The following CSMD1 variants were observed in gnomAD, a reference collection of about 807,000 sequenced individuals.
CSMD1 encodes CUB and Sushi multiple domains 1, also known as CUB and sushi domain-containing protein 1.
A neutral mutation model predicts 417.5 loss-of-function variants in CSMD1; 213 were observed. The observed-to-expected ratio is 0.51, with a 90% CI of 0.46 to 0.57. The LOEUF is 0.57. Among genes scored for constraint, CSMD1 ranks in the 20% least tolerant of loss-of-function variants. CSMD1 has a pLI of 0.00. For missense variants in CSMD1, 6,923 were observed against 4,529.7 expected (o/e 1.53, Z -15.17); for synonymous variants, 2,862 against 1,736.8 (o/e 1.65, Z -16.11).
At chr8:3,146,030 T>C (rs1818822375) in intron 40 of CSMD1, among the ~76,000 whole-genome samples, 1 of 152,220 alleles carries the variant, frequency 6.6e-6, no homozygotes, top group Admixed American at 6.5e-5. Flanking sequence ...TTGCACCTTC[T>C]GTGTGTAATA....
chr8:4,361,489 T>C (rs1371317533), intron 3 of CSMD1, among the ~76,000 whole-genome samples: 1 of 152,118 alleles, frequency 6.6e-6, no homozygotes, highest in Non-Finnish European at 1.5e-5. Flanking sequence ...CATTTCCACT[T>C]TACAGATTAG....
At chr8:3,721,740 C>T (rs1229648430) in intron 6 of CSMD1, among the ~76,000 whole-genome samples, 2 of 152,052 alleles carry the variant, frequency 1.3e-5, no homozygotes, top group Admixed American at 6.6e-5. Flanking sequence ...AATAAAGGAA[C>T]AGAATTCTAA....
intron 3 of CSMD1, among the ~76,000 whole-genome samples, chr8:4,348,871 T>C (rs1800928032): frequency 6.6e-6 from 1 of 152,224 alleles, no homozygotes; most frequent in African/African-American, 2.4e-5. Flanking sequence ...TTCATCTACA[T>C]GTCTGTTGCT....
chr8:4,326,508 T>A (rs1799571196), intron 3 of CSMD1, among the ~76,000 whole-genome samples: 1 of 152,124 alleles, frequency 6.6e-6, no homozygotes, highest in Admixed American at 6.6e-5. Context: ...AAAAGGTCCA[T>A]AAACGAGAGG....
chr8:4,514,031 G>A lies in CSMD1; in HGVS notation c.303-93966C>T, dbSNP rs1001343493. On this transcript the variant is annotated intron_variant, in intron 2 of 69. Coordinates refer to ENST00000635120, the MANE Select transcript of CSMD1 (RefSeq NM_033225.6). ...GTTAGTCAGCTCAGACTGCCATAAT[G>A]AAATACCACAAACTAGGTAGCTTAA... is the stretch of plus-strand genomic sequence containing the variant. Among the ~76,000 whole-genome samples the A allele has an allele frequency of 3.9e-5, 6 of 152,090 alleles. 1 individual carries two copies. Among genetic ancestry groups the A allele is most frequent in the African/African-American group, 1.4e-4 (6 of 41,406 alleles).
intron 5 of CSMD1, among the ~76,000 whole-genome samples, chr8:3,782,018 A>G (rs1799211990): frequency 7.4e-6 from 1 of 134,706 alleles, no homozygotes; most frequent in Non-Finnish European, 1.8e-5. Flanking sequence ...TTTAAGGGAT[A>G]ATTTAAGAGT....
chr8:3,503,974 T>C (rs997610760), intron 10 of CSMD1, among the ~76,000 whole-genome samples: 2 of 152,004 alleles, frequency 1.3e-5, no homozygotes, highest in African/African-American at 4.8e-5. Flanking sequence ...AGTGGTTGAT[T>C]TTGGGGTATG....
At chr8:3,949,173 A>T (rs901362084) in intron 5 of CSMD1, among the ~76,000 whole-genome samples, 2 of 152,252 alleles carry the variant, frequency 1.3e-5, no homozygotes, top group Non-Finnish European at 2.9e-5. Flanking sequence ...TAACATATGC[A>T]TTGCTTTACA....
chr8:4,031,977 G>T lies in CSMD1; in HGVS notation c.538C>A (p.His180Asn), dbSNP rs749221297. The stretch of plus-strand genomic sequence containing the variant: ...CTGACGATGCAGGTCAGGATGGCGT[G>T]GCCTTCCAAGATGTAGCCAGGGAGG... Reference protein sequence around the residue: ...SCLPGYILEGHAILTCIVSPG... With the variant: ...SCLPGYILEGNAILTCIVSPG... The change falls in exon 4 of 70, where the codon CAC becomes AAC. Residue 180 changes from histidine (H) to asparagine (N), a missense_variant. Coordinates refer to ENST00000635120, the MANE Select transcript of CSMD1 (RefSeq NM_033225.6). 1 of 1,613,882 alleles carries T rather than the reference G, an allele frequency of 6.2e-7. No homozygotes were observed. The highest frequency in any genetic ancestry group is 1.1e-5 in the South Asian group (1 of 91,082).
chr8:4,278,039 G>A (rs1009554120), intron 3 of CSMD1, among the ~76,000 whole-genome samples: 10 of 152,056 alleles, frequency 6.6e-5, no homozygotes, highest in Non-Finnish European at 1.3e-4. Context: ...GAGCCACGGC[G>A]CCCAACCCCC....
chr8:2,987,636 TTTA>T (rs1176869094), intron 54 of CSMD1, among the ~76,000 whole-genome samples: 1 of 152,328 alleles, frequency 6.6e-6, no homozygotes, highest in East Asian at 1.9e-4. Context: ...ACACATGACT[TTTA>T]AGTTAACATA....
At chr8:3,108,945 G>T (rs1816327617) in intron 43 of CSMD1, among the ~76,000 whole-genome samples, 197 bp from the exon 44 acceptor site, 1 of 152,220 alleles carries the variant, frequency 6.6e-6, no homozygotes, top group African/African-American at 2.4e-5. Context: ...TTTCATTAAT[G>T]TTCCACAGGC....
At chr8:3,175,492 C>CCTG (rs1820867625) in intron 37 of CSMD1, among the ~76,000 whole-genome samples, 1 of 104,388 alleles carries the variant, frequency 9.6e-6, no homozygotes, top group Non-Finnish European at 1.9e-5. Flanking sequence ...TTCCTGCCTG[C>CCTG]CTGCCTGCCT....
chr8:4,534,005 T>C (rs1585214999), intron 2 of CSMD1, among the ~76,000 whole-genome samples: 1 of 151,500 alleles, frequency 6.6e-6, no homozygotes, highest in South Asian at 2.1e-4. Context: ...TCTATAGGTA[T>C]AACATTTGTG....
intron 3 of CSMD1, among the ~76,000 whole-genome samples, chr8:4,209,177 C>T (rs546551154): frequency 5.3e-5 from 8 of 152,282 alleles, no homozygotes; most frequent in Admixed American, 3.3e-4. Flanking sequence ...AGGTTCTTTC[C>T]AGATGTAGGT....
rs1421367943 is a variant in CSMD1 at position 4,699,076 on chromosome 8, A to G, written c.86-61518T>C. Among the ~76,000 whole-genome samples, 4 of 152,162 alleles carry G rather than the reference A, an allele frequency of 2.6e-5. No individual in the cohort carries two copies. In the South Asian group the frequency reaches 8.3e-4, roughly 32 times the overall value. ...TGGGAAAAAATGTGCTTTGACGTAGATGTCCTGCTAGAGTTTGAGGTCTTC... is the reference window on the plus strand; with the variant it reads ...TGGGAAAAAATGTGCTTTGACGTAGGTGTCCTGCTAGAGTTTGAGGTCTTC... On this transcript the variant is annotated intron_variant, in intron 1 of 69. Transcript: ENST00000635120.
chr8:3,223,799 GAT>G lies in CSMD1; in HGVS notation c.4412_4413del (p.Tyr1471SerfsTer7). 6.2e-7 allele frequency: 1 copy of G among 1,613,880 alleles called. No individual in the cohort carries two copies. The highest frequency in any genetic ancestry group is 8.5e-7 in the Non-Finnish European group (1 of 1,179,820). On this transcript the variant is annotated frameshift_variant, in exon 28 of 70. Coordinates refer to ENST00000635120, the MANE Select transcript of CSMD1 (RefSeq NM_033225.6). LOFTEE classifies it high-confidence loss of function. ...CTCCAGTCACATTCCTTCCCAGGAG[GAT>G]ACGGCTGTGGGTAGTTGGGTGACAA... ...VILSPNYPQP[Y>X]PPGKECDWRV... is the part of the protein sequence containing the mutation.
chr8:3,367,681 T>G (rs1809687322), intron 19 of CSMD1, among the ~76,000 whole-genome samples: 1 of 152,136 alleles, frequency 6.6e-6, no homozygotes, highest in Admixed American at 6.5e-5. Flanking sequence ...TAAGTGCATA[T>G]AAGTACAGAT....
chr8:3,347,428 G>C (rs374745726), intron 22 of CSMD1, among the ~76,000 whole-genome samples: 87 of 152,314 alleles, frequency 5.7e-4, no homozygotes, highest in African/African-American at 2.1e-3. Context: ...TTGAGATTCT[G>C]TCTTGTCCTG....
Sources: allele counts gnomAD v4.1 joint callset (sites outside exome capture counted in the v4.1 genomes callset), GRCh38; gene constraint gnomAD v4.1.1; transcripts MANE v1.5; gene names NCBI Gene and HGNC (gene_info 2026-07-23, HGNC 2026-07-21).